CHD7: variants seen among roughly 807,000 people sequenced by gnomAD.
The protein encoded by CHD7 is ATP-dependent chromatin remodeler CHD7.
Under a neutral mutation model 307.3 loss-of-function variants are expected in CHD7, and 24 were observed. The observed-to-expected ratio is 0.08, with a 90% CI of 0.06 to 0.11. The LOEUF (loss-of-function observed/expected upper bound fraction) is 0.11, where lower values mean the gene tolerates loss of function less well. CHD7 is among the 10% of genes least tolerant of loss of function. The pLI is 1.00. For synonymous variants in CHD7, 1,363 were observed against 1,349.9 expected (o/e 1.01, Z -0.21); for missense variants, 3,106 against 3,727.1 (o/e 0.83, Z 4.34).
chr8:60,693,000 A>T (rs1465894612), intron 1 of CHD7, among the ~76,000 whole-genome samples: 1 of 152,232 alleles, frequency 6.6e-6, no homozygotes. Flanking sequence ...TTCTTCCTGC[A>T]AAAGCATGAA....
chr8:60,688,994 A>T (rs1377650401), intron 1 of CHD7, among the ~76,000 whole-genome samples: 1 of 152,154 alleles, frequency 6.6e-6, no homozygotes, highest in Admixed American at 6.5e-5. Context: ...GGGGTCAGGG[A>T]TGTGAGTAGC....
chr8:60,696,564 T>C (rs1016346881), intron 1 of CHD7, among the ~76,000 whole-genome samples: 3 of 152,200 alleles, frequency 2.0e-5, no homozygotes, highest in Admixed American at 2.0e-4. Context: ...GCTCCAGCAG[T>C]GCTTGTTGCA....
At chr8:60,713,025 G>A (rs1807361354) in intron 1 of CHD7, among the ~76,000 whole-genome samples, 2 of 145,378 alleles carry the variant, frequency 1.4e-5, no homozygotes, top group African/African-American at 5.2e-5. Flanking sequence ...ACTCCAGCCT[G>A]GGCAACAGAG....
At chr8:60,682,719 T>C (rs1009029482) in intron 1 of CHD7, among the ~76,000 whole-genome samples, 1 of 152,228 alleles carries the variant, frequency 6.6e-6, no homozygotes, top group Admixed American at 6.5e-5. Context: ...ATTTGACTTT[T>C]AAGATAAACT....
chr8:60,789,914 G>T (rs1811688729), intron 3 of CHD7, among the ~76,000 whole-genome samples: 1 of 152,202 alleles, frequency 6.6e-6, no homozygotes, highest in African/African-American at 2.4e-5. Context: ...TCAAATGCCT[G>T]CTTCTAAGAG....
Position 60,852,164 on chromosome 8 carries a change from T to C in CHD7, c.5811T>C (p.Thr1937=), listed in dbSNP as rs370573809. The part of the protein sequence containing the change: ...QQMRQEALMK[T]DRRRRRPREE... ...TGAGGCAAGAGGCCCTAATGAAGAC[T>C]GACCGGCGCAGACGGCGGCCTCGAG... Residue 1937 remains threonine, a synonymous_variant, in exon 29 of 38, where the codon ACT becomes ACC. Coordinates refer to ENST00000423902, the MANE Select transcript of CHD7 (RefSeq NM_017780.4). 22 of 1,613,936 alleles carry C rather than the reference T, an allele frequency of 1.4e-5. No individual in the cohort carries two copies. The highest frequency in any genetic ancestry group is 1.8e-5 in the Non-Finnish European group (21 of 1,179,878).
chr8:60,772,001 T>G (rs1810736265), intron 2 of CHD7, among the ~76,000 whole-genome samples: 1 of 152,238 alleles, frequency 6.6e-6, no homozygotes, highest in African/African-American at 2.4e-5. Context: ...CGCTGTATTC[T>G]GTTGGCTTGA....
Position 60,866,115 on chromosome 8 carries a change from T to C in CHD7, c.*182T>C, listed in dbSNP as rs1806234769. On this transcript the variant is annotated 3_prime_UTR_variant, in exon 38 of 38. Coordinates refer to ENST00000423902, the MANE Select transcript of CHD7 (RefSeq NM_017780.4). ...AAGGTATCTTGGTCATTAAGTATTG[T>C]GCAGTGCATTATTTATTATCCCTAG... 6.8e-6 allele frequency: 4 copies of C among 584,684 alleles called. No homozygotes were observed. In the East Asian group the frequency reaches 8.5e-5, roughly 12 times the overall value. 36.2% of individuals were successfully genotyped at this position (584,684 alleles called of 1,614,324 possible). A position where few individuals can be genotyped will look rare whatever the true frequency, so the allele number is the denominator to read the frequency against.
chr8:60,701,969 C>T (rs2150508896), intron 1 of CHD7, among the ~76,000 whole-genome samples: 1 of 152,322 alleles, frequency 6.6e-6, no homozygotes, highest in Non-Finnish European at 1.5e-5. Context: ...TGCCTCCCTG[C>T]AGTGGTGTTT....
chr8:60,705,729 T>A (rs1806992739), intron 1 of CHD7, among the ~76,000 whole-genome samples: 2 of 152,268 alleles, frequency 1.3e-5, no homozygotes, highest in African/African-American at 4.8e-5. Flanking sequence ...ACTTTGAGAT[T>A]TAAAAATAAA....
chr8:60,720,459 T>C (rs1178797016), intron 1 of CHD7, among the ~76,000 whole-genome samples: 2 of 152,234 alleles, frequency 1.3e-5, no homozygotes, highest in African/African-American at 4.8e-5. Context: ...TTACTGTCTT[T>C]TGCCAATTTG....
intron 1 of CHD7, among the ~76,000 whole-genome samples, chr8:60,685,451 C>T (rs115629129): frequency 6.2e-4 from 95 of 152,194 alleles, no homozygotes; most frequent in African/African-American, 2.1e-3. Context: ...TCTGTATGTC[C>T]CCTTACGGAG....
chr8:60,705,749 T>C (rs892014701), intron 1 of CHD7, among the ~76,000 whole-genome samples: 1 of 152,184 alleles, frequency 6.6e-6, no homozygotes, highest in Non-Finnish European at 1.5e-5. Context: ...AGTATAAAGA[T>C]AATGGTGATG....
chr8:60,746,254 G>A (rs930662751), intron 2 of CHD7, among the ~76,000 whole-genome samples: 3 of 152,134 alleles, frequency 2.0e-5, no homozygotes, highest in African/African-American at 4.8e-5. Context: ...TTATTTTTAA[G>A]GATAGGTTAA....
At chr8:60,854,590 G>T (rs551448343) in intron 32 of CHD7, 67 bp downstream of exon 32, 3 of 1,367,782 alleles carry the variant, frequency 2.2e-6, no homozygotes, top group Non-Finnish European at 2.9e-6. Context: ...AATCTTTCTA[G>T]CTTGATTTTT....
intron 2 of CHD7, among the ~76,000 whole-genome samples, chr8:60,779,735 G>A (rs1189329207): frequency 6.6e-6 from 1 of 152,194 alleles, no homozygotes; most frequent in Non-Finnish European, 1.5e-5. Context: ...GGGCTCGTCT[G>A]CCTGCTCCTC....
Position 60,856,047 on chromosome 8 carries a change from C to T in CHD7, c.7009C>T (p.Arg2337Cys), listed in dbSNP as rs765610436. The part of the protein sequence containing the change: ...VLKGKWPVNR[R>C]QMFDFQGLIP... Reference sequence around the variant, plus strand: ...GAAAGGCAAATGGCCAGTAAATAGGCGCCAGATGTTTGATTTCCAAGGCCT... The same window carrying T: ...GAAAGGCAAATGGCCAGTAAATAGGTGCCAGATGTTTGATTTCCAAGGCCT... Residue 2337 changes from arginine (R) to cysteine (C), a missense_variant, in exon 33 of 38, where the codon CGC becomes TGC. By Grantham distance (180) the Arg-to-Cys change is radical (BLOSUM62 -3). Transcript: ENST00000423902. 1.1e-5 allele frequency: 17 copies of T among 1,611,090 alleles called. No homozygotes were observed. Among genetic ancestry groups the T allele is most frequent in the South Asian group, 2.2e-5 (2 of 90,384 alleles).
At chr8:60,765,485 T>C (rs1197694887) in intron 2 of CHD7, among the ~76,000 whole-genome samples, 1 of 152,124 alleles carries the variant, frequency 6.6e-6, no homozygotes, top group Non-Finnish European at 1.5e-5. Context: ...CCTGGAGAGA[T>C]TGGGGAAGGC....
intron 2 of CHD7, among the ~76,000 whole-genome samples, chr8:60,774,726 G>A (rs1458802057): frequency 6.6e-6 from 1 of 152,220 alleles, no homozygotes; most frequent in Admixed American, 6.5e-5. Flanking sequence ...CAAACACCTT[G>A]CTCTCCTCCA....
Sources: allele counts gnomAD v4.1 joint callset (sites outside exome capture counted in the v4.1 genomes callset), GRCh38; gene constraint gnomAD v4.1.1; transcripts MANE v1.5; gene names NCBI Gene and HGNC (gene_info 2026-07-23, HGNC 2026-07-21).